Variants in GRM1 observed in about 807,000 individuals in gnomAD.
GRM1 encodes glutamate metabotropic receptor 1.
Under a neutral mutation model 90.9 loss-of-function variants are expected in GRM1, and 33 were observed. The ratio of observed to expected loss-of-function variants is 0.36; its 90% CI spans 0.28 to 0.49. The LOEUF is 0.49. Among genes scored for constraint, GRM1 ranks in the 20% least tolerant of loss-of-function variants. The probability of loss-of-function intolerance (pLI) is 0.99; values close to 1 mark genes in which losing one functional copy is unlikely to be tolerated. For missense variants in GRM1, 1,190 were observed against 1,534.3 expected, an observed-to-expected ratio of 0.78 and a Z score of 3.75; for synonymous variants, 700 against 613.2, an observed-to-expected ratio of 1.14 and a Z score of -2.09.
intron 1 of GRM1, among the ~76,000 whole-genome samples, chr6:146,034,440 A>G (rs1210108906): frequency 6.6e-6 from 1 of 152,012 alleles, no homozygotes; most frequent in African/African-American, 2.4e-5. Context: ...AAGTGCTGCT[A>G]TTAATCCATA....
chr6:146,032,444 T>C (rs1056089835), intron 1 of GRM1, among the ~76,000 whole-genome samples: 7 of 152,208 alleles, frequency 4.6e-5, no homozygotes, highest in Non-Finnish European at 8.8e-5. Context: ...AGGAATTTTG[T>C]GTAAGGTCCC....
intron 2 of GRM1, among the ~76,000 whole-genome samples, chr6:146,177,116 T>TTTGTATCTCA (rs1377059418): frequency 1.3e-5 from 2 of 152,100 alleles, no homozygotes; most frequent in African/African-American, 4.8e-5. Flanking sequence ...TGGCTTCAAG[T>TTTGTATCTCA]TTGTATCTCA....
intron 4 of GRM1, among the ~76,000 whole-genome samples, chr6:146,356,563 G>C (rs950850031): frequency 2.0e-5 from 3 of 152,108 alleles, no homozygotes; most frequent in Non-Finnish European, 4.4e-5. Flanking sequence ...GAATGGAAGG[G>C]GGTGAACATA....
chr6:146,419,828 T>A (rs1777924856), intron 7 of GRM1, among the ~76,000 whole-genome samples: 1 of 152,190 alleles, frequency 6.6e-6, no homozygotes, highest in Non-Finnish European at 1.5e-5. Flanking sequence ...CCTGCTTCCG[T>A]GATGCAATCA....
At chr6:146,349,029 A>G (rs1203288104) in intron 3 of GRM1, among the ~76,000 whole-genome samples, 1 of 145,836 alleles carries the variant, frequency 6.9e-6, no homozygotes, top group Non-Finnish European at 1.5e-5. Flanking sequence ...GTATATAACA[A>G]ACAAGAAGTG....
chr6:146,437,406 C>T lies in GRM1; in HGVS notation c.*2610C>T, dbSNP rs362822. On this transcript the variant is annotated 3_prime_UTR_variant, in exon 8 of 8. Coordinates refer to ENST00000282753, the MANE Select transcript of GRM1 (RefSeq NM_001278064.2). Reference sequence around the variant, plus strand: ...CTCCTGAATAAATAGAGTATTAGTCCTTATGTCATCATTGTTCAAAATTGG... The same window carrying T: ...CTCCTGAATAAATAGAGTATTAGTCTTTATGTCATCATTGTTCAAAATTGG... 0.51 allele frequency: 77,495 copies of T among 152,222 alleles called. 19,787 individuals are homozygous for T. The highest frequency in any genetic ancestry group is 0.61 in the South Asian group (2,932 of 4,806). 9.4% of individuals were successfully genotyped at this position (152,222 alleles called of 1,614,324 possible).
intron 1 of GRM1, among the ~76,000 whole-genome samples, chr6:146,068,595 TAC>T (rs775743173): frequency 2.0e-5 from 3 of 152,182 alleles, no homozygotes; most frequent in Non-Finnish European, 2.9e-5. Flanking sequence ...AGAGCTAATC[TAC>T]AGAATGAATA....
At chr6:146,193,225 T>A (rs1219363677) in intron 2 of GRM1, among the ~76,000 whole-genome samples, 2 of 152,142 alleles carry the variant, frequency 1.3e-5, no homozygotes, top group African/African-American at 2.4e-5. Flanking sequence ...AATTCAAAGG[T>A]GAGCTCTGGG....
At chr6:146,320,413 G>T (rs538593477) in intron 3 of GRM1, among the ~76,000 whole-genome samples, 1 of 152,240 alleles carries the variant, frequency 6.6e-6, no homozygotes, top group African/African-American at 2.4e-5. Flanking sequence ...CAGGGATATT[G>T]GCCTGAAATT....
chr6:146,310,597 A>T (rs1201575043), intron 3 of GRM1, among the ~76,000 whole-genome samples: 1 of 152,178 alleles, frequency 6.6e-6, no homozygotes, highest in East Asian at 1.9e-4. Flanking sequence ...CGAGAGGTAG[A>T]GTTTTGTTCC....
At position 146,434,399 on chromosome 6, in the gene GRM1, G is replaced by T. The variant is rs200986171; in HGVS notation, c.3188G>T (p.Arg1063Leu). 4.6e-5 allele frequency: 75 copies of T among 1,613,260 alleles called. No individual in the cohort carries two copies. The highest frequency in any genetic ancestry group is 5.8e-5 in the Non-Finnish European group (69 of 1,179,746). The change falls in exon 8 of 8, where the codon CGG becomes CTG. Residue 1063 changes from arginine (R) to leucine (L), a missense_variant. Physicochemically the swap from Arg to Leu is moderately radical, Grantham distance 102 (BLOSUM62 -2). Around this residue, in one of 10 missense-constraint regions of GRM1, gnomAD observed 400 missense variants for 360.8 expected, o/e 1.11. Coordinates refer to ENST00000282753, the MANE Select transcript of GRM1 (RefSeq NM_001278064.2). The stretch of plus-strand genomic sequence containing the variant: ...CCCGGTGGTCCCGGGAACGGGCTGC[G>T]GTCCCTGTACCCGCCCCCGCCACCT... ...AGPGGPGNGLRSLYPPPPPPQ... is the reference protein window; with the variant it reads ...AGPGGPGNGLLSLYPPPPPPQ...
Position 146,060,638 on chromosome 6 carries a change from T to A in GRM1, c.700+30421T>A, listed in dbSNP as rs1775633395. On this transcript the variant is annotated intron_variant, in intron 1 of 7. Coordinates refer to ENST00000282753, the MANE Select transcript of GRM1 (RefSeq NM_001278064.2). ...ATGTATATGTAACACATTGTCTTTATCCAGTCTATCACTGATGGACATATA... is the reference window on the plus strand; with the variant it reads ...ATGTATATGTAACACATTGTCTTTAACCAGTCTATCACTGATGGACATATA... Among the ~76,000 whole-genome samples the A allele has an allele frequency of 2.6e-5, 4 of 152,304 alleles. 1 individual carries two copies. In the South Asian group the frequency reaches 8.3e-4, roughly 32 times the overall value.
At chr6:146,059,254 A>T (rs1324010780) in intron 1 of GRM1, among the ~76,000 whole-genome samples, 1 of 152,162 alleles carries the variant, frequency 6.6e-6, no homozygotes, top group African/African-American at 2.4e-5. Context: ...TGCAGAACAG[A>T]TGTTGTATTA....
chr6:146,126,999 A>G (rs1410138736), intron 1 of GRM1, among the ~76,000 whole-genome samples: 16 of 152,200 alleles, frequency 1.1e-4, no homozygotes. Flanking sequence ...GGTGAAGGTA[A>G]TAAAAAAATA....
At chr6:146,100,387 A>G (rs1424598677) in intron 1 of GRM1, among the ~76,000 whole-genome samples, 1 of 152,172 alleles carries the variant, frequency 6.6e-6, no homozygotes, top group Admixed American at 6.5e-5. Context: ...TCACAAAATT[A>G]TGAAGATATT....
chr6:146,213,559 C>A (rs1779752180), intron 2 of GRM1, among the ~76,000 whole-genome samples: 1 of 152,090 alleles, frequency 6.6e-6, no homozygotes, highest in Non-Finnish European at 1.5e-5. Context: ...GCTTGAAATA[C>A]AGTAGGCATT....
At chr6:146,321,101 G>A (rs1784173132) in intron 3 of GRM1, among the ~76,000 whole-genome samples, 1 of 152,070 alleles carries the variant, frequency 6.6e-6, no homozygotes, top group Admixed American at 6.5e-5. Flanking sequence ...TTTCCCATGT[G>A]CATAATTAGT....
At chr6:146,050,712 T>G (rs1406753883) in intron 1 of GRM1, among the ~76,000 whole-genome samples, 1 of 152,056 alleles carries the variant, frequency 6.6e-6, no homozygotes, top group Non-Finnish European at 1.5e-5. Context: ...CACTGCCAAT[T>G]AATTTTCCAT....
chr6:146,376,562 T>A (rs1222762602), intron 5 of GRM1, among the ~76,000 whole-genome samples: 1 of 151,494 alleles, frequency 6.6e-6, no homozygotes, highest in East Asian at 2.0e-4. Context: ...TATTCTATGG[T>A]AGAATTTTTT....
Sources: allele counts gnomAD v4.1 joint callset (sites outside exome capture counted in the v4.1 genomes callset), GRCh38; gene constraint gnomAD v4.1.1; regional missense constraint gnomAD v4.1.1; transcripts MANE v1.5; gene names NCBI Gene and HGNC (gene_info 2026-07-23, HGNC 2026-07-21).